ANO7: variants seen among roughly 807,000 people sequenced by gnomAD.
ANO7 encodes the protein anoctamin-7.
In ANO7, 114 loss-of-function variants were observed where a neutral mutation model predicts 115.8. The ratio of observed to expected loss-of-function variants is 0.98; its 90% CI spans 0.85 to 1.15. The LOEUF is 1.15. ANO7 is among the 50% of genes most tolerant of loss of function. The pLI, the probability that ANO7 is intolerant of heterozygous loss-of-function variation, is 0.00. For synonymous variants in ANO7, 550 were observed against 498.2 expected, an observed-to-expected ratio of 1.10 and a Z score of -1.38; for missense variants, 1,302 against 1,201.2, an observed-to-expected ratio of 1.08 and a Z score of -1.24.
At position 241,209,296 on chromosome 2, in the gene ANO7, G is replaced by T. The variant is rs376622602; in HGVS notation, c.1089G>T (p.Leu363=). 1.9e-6 allele frequency: 3 copies of T among 1,556,024 alleles called. No individual in the cohort carries two copies. Among genetic ancestry groups the T allele is most frequent in the Admixed American group, 1.9e-5 (1 of 51,854 alleles). Residue 363 remains leucine, a synonymous_variant, in exon 12 of 25, where the codon CTG becomes CTT. Transcript: ENST00000674324. ...GCTCCCTGCCACAGGCCGGCCGGCT[G>T]TTCGACCACGGCGGCACCGTGTTCT... ...SACALAQAGR[L]FDHGGTVFFS...
the ANO7 span, chr2:241,236,317 C>T: frequency 1.7e-5 from 7 of 414,664 alleles, no homozygotes; most frequent in East Asian, 2.7e-4. Context: ...ATTCATCCCC[C>T]TGCAGCTGAG....
the ANO7 span, chr2:241,240,210 T>A: frequency 7.7e-7 from 1 of 1,298,846 alleles, no homozygotes; most frequent in Non-Finnish European, 1.1e-6. This position sits in a 1 kb window ranked among gnomAD's most constrained non-coding sequence, Gnocchi z 5.5. Context: ...GACAGCAAGC[T>A]CGGGCTCCCC....
At chr2:241,221,327 C>T (rs886110574) in intron 21 of ANO7, among the ~76,000 whole-genome samples, 5 of 151,904 alleles carry the variant, frequency 3.3e-5, no homozygotes, top group African/African-American at 4.8e-5. Context: ...CCGCCTGCCT[C>T]GGCCTCCCAA....
At chr2:241,201,389 C>A in intron 7 of ANO7, 34 bp downstream of exon 7, 1 of 1,602,262 alleles carries the variant, frequency 6.2e-7, no homozygotes, top group Non-Finnish European at 8.5e-7. Flanking sequence ...GGCCCCAAAC[C>A]CTGACCTGGC....
rs545667158 is a variant in ANO7, at chr2:241,203,689, C to T, written c.889+191C>T. Among the ~76,000 whole-genome samples the T allele has an allele frequency of 3.2e-4, 49 of 152,268 alleles. No homozygotes were observed. The highest frequency in any genetic ancestry group is 1.0e-3 in the African/African-American group (42 of 41,554). On this transcript the variant is annotated intron_variant, in intron 9 of 24. Coordinates refer to ENST00000674324, the MANE Select transcript of ANO7 (RefSeq NM_001370694.2). The surrounding 1 kb of genome is among the most constrained non-coding windows in gnomAD (Gnocchi z 4.8). ...CACTCACTCTAACTGGGCGCCATGA[C>T]GATGCCGGGCCCTGGCCTCCTAATG...
chr2:241,237,225 G>C, the ANO7 span, among the ~76,000 whole-genome samples: 3 of 152,212 alleles, frequency 2.0e-5, no homozygotes, highest in African/African-American at 4.8e-5. Flanking sequence ...CAGTGGGAAG[G>C]GGGGTGAGAG....
chr2:241,218,393 G>T lies in ANO7; in HGVS notation c.2321+12G>T. The T allele has an allele frequency of 1.5e-6, 2 of 1,352,912 alleles. No individual in the cohort carries two copies. The highest frequency in any genetic ancestry group is 1.9e-6 in the Non-Finnish European group (2 of 1,046,126). The allele number at this position is 1,352,912 out of a possible 1,614,324, so 83.8% of individuals were successfully genotyped here. A position where few individuals can be genotyped will look rare whatever the true frequency, so the allele number is the denominator to read the frequency against. ...AACCGCACGTGCAGGTGAGCCCCGCGCCAGGTGGAGGGGGCCGCGGGCGCA... is the reference window on the plus strand; with the variant it reads ...AACCGCACGTGCAGGTGAGCCCCGCTCCAGGTGGAGGGGGCCGCGGGCGCA... On this transcript the variant is annotated intron_variant, in intron 21 of 24. Transcript: ENST00000674324.
At chr2:241,239,376 C>CT in the ANO7 span, among the ~76,000 whole-genome samples, 174 of 147,762 alleles carry the variant, frequency 1.2e-3, 1 homozygote, top group African/African-American at 3.2e-3. This position sits in a 1 kb window ranked among gnomAD's most constrained non-coding sequence, Gnocchi z 4.6. Flanking sequence ...TTCTCTCTCT[C>CT]TTTTTTTTTT....
At chr2:241,237,333 G>A in the ANO7 span, among the ~76,000 whole-genome samples, 1 of 152,212 alleles carries the variant, frequency 6.6e-6, no homozygotes, top group Non-Finnish European at 1.5e-5. Context: ...GTGTGAACAG[G>A]ACACAGAAGA....
intron 15 of ANO7, 127 bp from the exon 16 acceptor site, chr2:241,211,967 T>C (rs763887435): frequency 3.0e-6 from 2 of 664,466 alleles, no homozygotes; most frequent in Non-Finnish European, 5.3e-6. Context: ...TGTCTCCTTC[T>C]TTTAAATATC....
chr2:241,227,001 G>A (rs529387550), downstream of ANO7, among the ~76,000 whole-genome samples: 1 of 152,330 alleles, frequency 6.6e-6, no homozygotes, highest in South Asian at 2.1e-4. Context: ...CTAAAAGGGA[G>A]TGGCAGGTGC....
At chr2:241,227,613 G>C (rs1009149584), downstream of ANO7, 1 of 152,622 alleles carries the variant, frequency 6.6e-6, no homozygotes, top group African/African-American at 2.4e-5. Context: ...AAGGGCTCGC[G>C]TCTAAGACAT....
intron 17 of ANO7, 33 bp from the exon 18 acceptor site, chr2:241,214,772 C>T: frequency 6.3e-7 from 1 of 1,593,960 alleles, no homozygotes; most frequent in Non-Finnish European, 8.5e-7. Context: ...GCTGGTCCCC[C>T]TCTCCCAGCT....
chr2:241,235,005 C>T, the ANO7 span: 1 of 1,303,890 alleles, frequency 7.7e-7, no homozygotes, highest in Non-Finnish European at 1.1e-6. Flanking sequence ...CTGCATCTCA[C>T]CTCCAGCCAG....
Position 241,207,686 on chromosome 2 carries a change from G to A in ANO7, c.1077+16G>A. The A allele has an allele frequency of 6.2e-7, 1 of 1,611,734 alleles. No individual in the cohort carries two copies. Among genetic ancestry groups the A allele is most frequent in the Non-Finnish European group, 8.5e-7 (1 of 1,178,930 alleles). On this transcript the variant is annotated intron_variant, in intron 11 of 24. Coordinates refer to ENST00000674324, the MANE Select transcript of ANO7 (RefSeq NM_001370694.2). ...CCTGGCCCAGGTACGAGAAGAGGTG[G>A]GTGGGGTAAGGGATTTGAGAGTCGG...
In ANO7 at chr2:241,200,243, C is replaced by A. The variant is rs765216293; in HGVS notation, c.554+18C>A. 1.2e-6 allele frequency: 2 copies of A among 1,608,880 alleles called. No homozygotes were observed. Among genetic ancestry groups the A allele is most frequent in the Middle Eastern group, 1.7e-4 (1 of 6,036 alleles). The stretch of plus-strand genomic sequence containing the variant: ...CTGCCACGGTAAGGCAGGGGCCCTG[C>A]CAGTCGGAGGAAAGAACAGGAGTGA... On this transcript the variant is annotated intron_variant, in intron 6 of 24. Coordinates refer to ENST00000674324, the MANE Select transcript of ANO7 (RefSeq NM_001370694.2).
At position 241,224,265 on chromosome 2, in the gene ANO7, T is replaced by C. The variant is rs1042680529; in HGVS notation, c.*112T>C. On this transcript the variant is annotated 3_prime_UTR_variant, in exon 25 of 25. Transcript: ENST00000674324. ...CGGCTGTGTGAACCGCTGGCTGCTG[T>C]TGTGCCTCATCTCTGGGCACATTGC... The C allele has an allele frequency of 8.1e-7, 1 of 1,233,040 alleles. No individual in the cohort carries two copies. The highest frequency in any genetic ancestry group is 1.5e-5 in the African/African-American group (1 of 67,062). 76.4% of individuals were successfully genotyped at this position (1,233,040 alleles called of 1,614,324 possible).
chr2:241,233,075 G>C, the ANO7 span, among the ~76,000 whole-genome samples: 1 of 152,046 alleles, frequency 6.6e-6, no homozygotes, highest in Non-Finnish European at 1.5e-5. The surrounding 1 kb of genome is among the most constrained non-coding windows in gnomAD (Gnocchi z 4.3). Context: ...GCTGCCAGGG[G>C]GTTTGCTGTT....
downstream of ANO7, among the ~76,000 whole-genome samples, chr2:241,226,507 C>T (rs2069176139): frequency 6.6e-6 from 1 of 151,838 alleles, no homozygotes; most frequent in Non-Finnish European, 1.5e-5. Context: ...TCACTGCAAG[C>T]TCTGCCTCCC....
Sources: allele counts gnomAD v4.1 joint callset (sites outside exome capture counted in the v4.1 genomes callset), GRCh38; gene constraint gnomAD v4.1.1; non-coding constraint Gnocchi (gnomAD v3.1); transcripts MANE v1.5; gene names NCBI Gene and HGNC (gene_info 2026-07-23, HGNC 2026-07-21).